The following SOX5 variants were observed in gnomAD, a reference collection of about 807,000 sequenced individuals.
The protein encoded by SOX5 is SRY-box transcription factor 5.
Under a neutral mutation model 92.0 loss-of-function variants are expected in SOX5, and 9 were observed. That is an observed-to-expected ratio of 0.10 (90% CI 0.06 to 0.17). The LOEUF is 0.17. Among genes scored for constraint, SOX5 ranks in the 10% least tolerant of loss-of-function variants. SOX5 has a pLI of 1.00. For missense variants in SOX5, 642 were observed against 944.5 expected (o/e 0.68, Z 4.20); for synonymous variants, 344 against 336.3 (o/e 1.02, Z -0.25).
At chr12:23,949,737 T>TCC (rs1374480008), upstream of SOX5, 1 of 999,674 alleles carries the variant, frequency 1.0e-6, no homozygotes, top group Non-Finnish European at 1.4e-6. Context: ...CCTCCCTCTC[T>TCC]CTCTCTCTCT....
intron 7 of SOX5, among the ~76,000 whole-genome samples, chr12:23,650,391 C>A (rs2081402874): frequency 6.6e-6 from 1 of 152,134 alleles, no homozygotes; most frequent in Admixed American, 6.5e-5. Context: ...CCTTTCAGTG[C>A]AACGAGCATT....
chr12:23,709,405 A>G (rs2140337210), intron 6 of SOX5, among the ~76,000 whole-genome samples: 2 of 152,258 alleles, frequency 1.3e-5, no homozygotes, highest in South Asian at 4.1e-4. Context: ...ATGCCCAGAC[A>G]AGGGCTCCTT....
At chr12:23,559,541 A>T (rs1243358424) in intron 11 of SOX5, among the ~76,000 whole-genome samples, 3 of 152,212 alleles carry the variant, frequency 2.0e-5, no homozygotes, top group Non-Finnish European at 4.4e-5. Context: ...AATGACTTTC[A>T]TGATGTGTTT....
intron 4 of SOX5, among the ~76,000 whole-genome samples, chr12:24,132,938 T>C (rs760095111): frequency 1.3e-5 from 2 of 152,150 alleles, no homozygotes; most frequent in African/African-American, 4.8e-5. Context: ...CTGCCCAAAG[T>C]ACCATGTCAT....
At chr12:24,406,131 T>C (rs2136704683) in intron 1 of SOX5, among the ~76,000 whole-genome samples, 1 of 152,252 alleles carries the variant, frequency 6.6e-6, no homozygotes, top group East Asian at 1.9e-4. Context: ...CCATGAAGGT[T>C]CATAAGAGGC....
intron 4 of SOX5, among the ~76,000 whole-genome samples, chr12:24,100,692 C>T (rs1945986436): frequency 6.6e-6 from 1 of 152,080 alleles, no homozygotes; most frequent in African/African-American, 2.4e-5. Context: ...TAATAAACTA[C>T]TTGACATCTT....
upstream of SOX5, among the ~76,000 whole-genome samples, chr12:23,953,818 A>C (rs902473458): frequency 1.3e-5 from 2 of 152,048 alleles, no homozygotes; most frequent in African/African-American, 4.8e-5. Context: ...TAACCCAATA[A>C]AAGTTTTACA....
intron 4 of SOX5, among the ~76,000 whole-genome samples, chr12:23,987,148 C>T (rs1003179858): frequency 6.6e-6 from 1 of 152,090 alleles, no homozygotes; most frequent in Non-Finnish European, 1.5e-5. Context: ...ATAAGACAGA[C>T]AAGGAGAGAC....
intron 4 of SOX5, among the ~76,000 whole-genome samples, chr12:24,048,425 T>A (rs978431856): frequency 6.6e-6 from 1 of 152,164 alleles, no homozygotes; most frequent in African/African-American, 2.4e-5. Flanking sequence ...CAGGAGCAGT[T>A]CCTGTGTTCT....
intron 4 of SOX5, among the ~76,000 whole-genome samples, chr12:24,171,378 C>T (rs1291642343): frequency 2.0e-5 from 3 of 151,622 alleles, no homozygotes; most frequent in African/African-American, 4.9e-5. Flanking sequence ...CACATGCCAC[C>T]GCACCCGGCT....
At chr12:23,773,169 C>A (rs979013029) in intron 3 of SOX5, among the ~76,000 whole-genome samples, 2 of 151,980 alleles carry the variant, frequency 1.3e-5, no homozygotes, top group African/African-American at 4.8e-5. Context: ...TTAAGCATGA[C>A]TATTTTTGTT....
intron 4 of SOX5, among the ~76,000 whole-genome samples, chr12:24,040,793 C>T (rs1273961647): frequency 6.6e-6 from 1 of 151,976 alleles, no homozygotes; most frequent in Non-Finnish European, 1.5e-5. Context: ...GAATGGCGTA[C>T]ACCTGGGAGG....
At chr12:23,883,417 T>C (rs2097022781) in intron 2 of SOX5, among the ~76,000 whole-genome samples, 1 of 152,118 alleles carries the variant, frequency 6.6e-6, no homozygotes, top group Non-Finnish European at 1.5e-5. Context: ...GAAAATACAG[T>C]CTTTTGTTCT....
chr12:24,057,092 T>C (rs1317934258), intron 4 of SOX5, among the ~76,000 whole-genome samples: 1 of 151,376 alleles, frequency 6.6e-6, no homozygotes, highest in African/African-American at 2.4e-5. Flanking sequence ...CAGAGGGAGA[T>C]GTACTCCAAA....
intron 4 of SOX5, among the ~76,000 whole-genome samples, chr12:24,004,319 A>C (rs1045276814): frequency 2.7e-4 from 39 of 145,274 alleles, no homozygotes; most frequent in Non-Finnish European, 4.9e-4. Flanking sequence ...AAAAAAAAAA[A>C]CACAAGCATA....
intron 3 of SOX5, among the ~76,000 whole-genome samples, chr12:24,247,708 G>A (rs1594776233): frequency 6.7e-6 from 1 of 150,096 alleles, no homozygotes; most frequent in Non-Finnish European, 1.5e-5. Context: ...TGGAGTGCAG[G>A]GGTGCAGTCT....
intron 1 of SOX5, among the ~76,000 whole-genome samples, chr12:24,370,180 T>C (rs1181318268): frequency 6.6e-6 from 1 of 152,184 alleles, no homozygotes; most frequent in African/African-American, 2.4e-5. Context: ...CATTAAAAGA[T>C]GTACTGGTTT....
intron 12 of SOX5, among the ~76,000 whole-genome samples, chr12:23,544,311 G>C (rs1488301285): frequency 6.6e-6 from 1 of 152,164 alleles, no homozygotes; most frequent in Non-Finnish European, 1.5e-5. Flanking sequence ...AGATACTTGA[G>C]TTTAGGCAAA....
At chr12:23,665,691 T>C in intron 6 of SOX5, 127 bp from the exon 7 acceptor site, 1 of 1,057,206 alleles carries the variant, frequency 9.5e-7, no homozygotes, top group Non-Finnish European at 1.3e-6. Context: ...AGAAGCTTGC[T>C]GGGATACTGG....
Sources: gnomAD v4.1 joint callset for allele counts (sites outside exome capture counted in the v4.1 genomes callset) on GRCh38, gnomAD v4.1.1 for gene constraint, MANE v1.5 for transcripts, NCBI Gene and HGNC (gene_info 2026-07-23, HGNC 2026-07-21) for gene names.